LIMS1: variants seen among roughly 807,000 people sequenced by gnomAD.
LIMS1 encodes LIM and senescent cell antigen-like-containing domain protein 1.
In LIMS1, 18 loss-of-function variants were observed where a neutral mutation model predicts 44.1. The ratio of observed to expected loss-of-function variants is 0.41; its 90% confidence interval spans 0.28 to 0.61. The LOEUF (loss-of-function observed/expected upper bound fraction) is 0.61, where lower values mean the gene tolerates loss of function less well. LIMS1 is among the 20% of genes least tolerant of loss of function. The pLI is 0.32. For missense variants in LIMS1, 201 were observed against 422.0 expected (o/e 0.48, Z 4.59); for synonymous variants, 93 against 149.1 (o/e 0.62, Z 2.74).
chr2:108,609,131 C>T (rs894478470), intron 1 of LIMS1, among the ~76,000 whole-genome samples: 11 of 152,076 alleles, frequency 7.2e-5, no homozygotes, highest in Non-Finnish European at 1.6e-4. Context: ...ATCGGTGATT[C>T]GAGAGTACTG....
At chr2:108,591,168 C>T (rs370250279) in intron 1 of LIMS1, among the ~76,000 whole-genome samples, 3 of 152,130 alleles carry the variant, frequency 2.0e-5, no homozygotes, top group East Asian at 1.9e-4. Flanking sequence ...CAATACCATA[C>T]GAAAGGATGT....
chr2:108,574,989 C>T (rs1558793286), intron 1 of LIMS1, among the ~76,000 whole-genome samples: 2 of 152,132 alleles, frequency 1.3e-5, no homozygotes, highest in Non-Finnish European at 2.9e-5. Context: ...TGATTTTTAC[C>T]GTGCCTTGCT....
intron 1 of LIMS1, among the ~76,000 whole-genome samples, chr2:108,641,417 T>G (rs1438049880): frequency 6.6e-6 from 1 of 152,152 alleles, no homozygotes; most frequent in Non-Finnish European, 1.5e-5. Flanking sequence ...ACAACCTCAT[T>G]GTAATTTCTG....
chr2:108,658,902 C>T (rs561889328), intron 1 of LIMS1, among the ~76,000 whole-genome samples: 190 of 152,166 alleles, frequency 1.2e-3, no homozygotes, highest in African/African-American at 4.3e-3. Flanking sequence ...TCTAGTCCTG[C>T]GCCTTCCTTT....
exon 10 of LIMS1, chr2:108,683,903 T>C: frequency 6.3e-7 from 1 of 1,582,894 alleles, no homozygotes; most frequent in Non-Finnish European, 8.6e-7. Flanking sequence ...TTGTGGAGTT[T>C]GACATGAAGC....
intron 1 of LIMS1, among the ~76,000 whole-genome samples, chr2:108,568,471 A>G (rs956417550): frequency 6.6e-6 from 1 of 152,260 alleles, no homozygotes; most frequent in Non-Finnish European, 1.5e-5. Context: ...GGCTATTGTG[A>G]ATAGTGCTAC....
chr2:108,608,035 A>G (rs1016930970), intron 1 of LIMS1, among the ~76,000 whole-genome samples: 1 of 152,072 alleles, frequency 6.6e-6, no homozygotes, highest in African/African-American at 2.4e-5. Flanking sequence ...AATAAAAGGA[A>G]CCTCCAAATA....
chr2:108,538,665 A>G (rs990378734), intron 1 of LIMS1, among the ~76,000 whole-genome samples: 3 of 152,226 alleles, frequency 2.0e-5, no homozygotes, highest in Non-Finnish European at 4.4e-5. Context: ...AATCATAGTC[A>G]TACTATTCTG....
chr2:108,572,582 C>T (rs1685518391), intron 1 of LIMS1, among the ~76,000 whole-genome samples: 1 of 152,034 alleles, frequency 6.6e-6, no homozygotes, highest in South Asian at 2.1e-4. Context: ...GACAGGGTTT[C>T]ACTATGTTGG....
rs569588558 is a variant in LIMS1, at chr2:108,561,734, G to A, written c.32+27140G>A. ...ATGTTGTGGTTCTCTGTGATCAGCAGTGTTTTTTTTTGTTTTTTTTTTTTT... is the reference window on the plus strand; with the variant it reads ...ATGTTGTGGTTCTCTGTGATCAGCAATGTTTTTTTTTGTTTTTTTTTTTTT... On this transcript the variant is annotated intron_variant, in intron 1 of 9. Transcript: ENST00000544547. Among the ~76,000 whole-genome samples the A allele has an allele frequency of 1.3e-4, 19 of 142,354 alleles. 1 individual carries two copies. The South Asian group carries it at 4.3e-3, about 32-fold the overall frequency. 93.4% of individuals were successfully genotyped at this position (142,354 alleles called of 152,430 possible). A position where few individuals can be genotyped will look rare whatever the true frequency, so the allele number is the denominator to read the frequency against.
intron 1 of LIMS1, among the ~76,000 whole-genome samples, chr2:108,637,598 G>A (rs1261102936): frequency 6.6e-6 from 1 of 152,178 alleles, no homozygotes; most frequent in Non-Finnish European, 1.5e-5. Context: ...TCCTAAGTCA[G>A]CATTCCTAGC....
chr2:108,637,058 A>G (rs1452302676), intron 1 of LIMS1, among the ~76,000 whole-genome samples: 1 of 152,048 alleles, frequency 6.6e-6, no homozygotes, highest in South Asian at 2.1e-4. Flanking sequence ...AAAGTTAATG[A>G]AAGAAAAGAA....
intron 2 of LIMS1, among the ~76,000 whole-genome samples, chr2:108,668,126 T>C (rs1262259136): frequency 6.6e-6 from 1 of 152,176 alleles, no homozygotes; most frequent in African/African-American, 2.4e-5. Context: ...TCAATACATG[T>C]ATACATTGTG....
At chr2:108,569,764 C>CT (rs10596766) in intron 1 of LIMS1, among the ~76,000 whole-genome samples, 1,226 of 113,134 alleles carry the variant, frequency 0.011, 62 homozygotes, top group African/African-American at 0.038. Flanking sequence ...CCATATCTGG[C>CT]TTTTTTTTTT....
At chr2:108,572,267 T>C (rs2104633999) in intron 1 of LIMS1, among the ~76,000 whole-genome samples, 1 of 152,198 alleles carries the variant, frequency 6.6e-6, no homozygotes, top group Middle Eastern at 3.4e-3. Flanking sequence ...TACAATAAGC[T>C]ACTTGTATTC....
intron 1 of LIMS1, among the ~76,000 whole-genome samples, chr2:108,564,974 AAACCCCT>A (rs1685247308): frequency 4.2e-5 from 2 of 48,042 alleles, no homozygotes; most frequent in African/African-American, 1.1e-4. Context: ...TCTTTAAGAG[AAACCCCT>A]AGCTCTTTAA....
intron 1 of LIMS1, among the ~76,000 whole-genome samples, chr2:108,591,591 C>CT (rs1686396047): frequency 6.6e-6 from 1 of 152,072 alleles, no homozygotes; most frequent in Non-Finnish European, 1.5e-5. Flanking sequence ...TCCCAAATAG[C>CT]TGTGACTACA....
intron 1 of LIMS1, among the ~76,000 whole-genome samples, chr2:108,642,822 G>A (rs1409106992): frequency 6.6e-6 from 1 of 152,158 alleles, no homozygotes; most frequent in Non-Finnish European, 1.5e-5. Flanking sequence ...TGTCAGAGGT[G>A]GAGTTAGTTT....
intron 2 of LIMS1, chr2:108,662,189 C>T: frequency 6.2e-7 from 1 of 1,612,006 alleles, no homozygotes; most frequent in Non-Finnish European, 8.5e-7. Flanking sequence ...TAGCTCCAGC[C>T]CTCCGTCACC....
Sources: allele counts gnomAD v4.1 joint callset (sites outside exome capture counted in the v4.1 genomes callset), GRCh38; gene constraint gnomAD v4.1.1; transcripts MANE v1.5; gene names NCBI Gene and HGNC (gene_info 2026-07-23, HGNC 2026-07-21).